The following LRRC69 variants were observed in gnomAD, a reference collection of about 807,000 sequenced individuals.
The protein encoded by LRRC69 is leucine-rich repeat-containing protein 69.
A neutral mutation model predicts 37.8 loss-of-function variants in LRRC69; 42 were observed. That is an observed-to-expected ratio of 1.11 (90% CI 0.87 to 1.44). The LOEUF is 1.44. Among genes scored for constraint, LRRC69 ranks in the 40% most tolerant of loss-of-function variants. The probability of loss-of-function intolerance (pLI) is 0.00; values close to 1 mark genes in which losing one functional copy is unlikely to be tolerated. For synonymous variants in LRRC69, 141 were observed against 143.1 expected (o/e 0.99, Z 0.11); for missense variants, 357 against 401.9 (o/e 0.89, Z 0.96).
chr8:91,162,586 G>A (rs1427790806), intron 5 of LRRC69, among the ~76,000 whole-genome samples: 1 of 151,048 alleles, frequency 6.6e-6, no homozygotes. Context: ...GCTCACTTTT[G>A]TTTTCCATTT....
intron 5 of LRRC69, among the ~76,000 whole-genome samples, chr8:91,166,492 G>T (rs1271161043): frequency 1.0e-5 from 1 of 95,252 alleles, no homozygotes. Flanking sequence ...AAAATAAACT[G>T]AAAAAAAAAA....
chr8:91,182,811 G>C (rs1292654225), intron 5 of LRRC69, among the ~76,000 whole-genome samples: 1 of 152,184 alleles, frequency 6.6e-6, no homozygotes, highest in African/African-American at 2.4e-5. Flanking sequence ...GTAGCGTGTA[G>C]AGAAACAGTT....
chr8:91,160,299 TG>T (rs1808915890), intron 5 of LRRC69, among the ~76,000 whole-genome samples: 2 of 150,648 alleles, frequency 1.3e-5, no homozygotes, highest in African/African-American at 4.9e-5. Flanking sequence ...TTTAGTTTTT[TG>T]TTTTTTTTTT....
intron 1 of LRRC69, among the ~76,000 whole-genome samples, chr8:91,112,855 TAATA>T (rs1445137126): frequency 6.6e-6 from 1 of 151,982 alleles, no homozygotes; most frequent in Non-Finnish European, 1.5e-5. Flanking sequence ...CCGTTAGAAC[TAATA>T]AATGAATTCA....
chr8:91,106,367 C>T (rs1263957886), intron 1 of LRRC69, among the ~76,000 whole-genome samples: 1 of 151,986 alleles, frequency 6.6e-6, no homozygotes, highest in Non-Finnish European at 1.5e-5. Context: ...ATATTTCCCA[C>T]AGAATGCAAA....
intron 7 of LRRC69, among the ~76,000 whole-genome samples, chr8:91,209,214 G>A (rs1281835660): frequency 6.6e-6 from 1 of 152,116 alleles, no homozygotes; most frequent in East Asian, 1.9e-4. Flanking sequence ...ATCACCTGAG[G>A]TCAGGAATTT....
chr8:91,105,497 A>T (rs1267360113), intron 1 of LRRC69, among the ~76,000 whole-genome samples: 1 of 151,818 alleles, frequency 6.6e-6, no homozygotes, highest in Non-Finnish European at 1.5e-5. Flanking sequence ...TGGCCTGGGC[A>T]ACATAGTGAG....
chr8:91,114,155 A>T (rs1441721071), intron 1 of LRRC69, among the ~76,000 whole-genome samples: 1 of 151,930 alleles, frequency 6.6e-6, no homozygotes, highest in Non-Finnish European at 1.5e-5. Flanking sequence ...CAGAAAGACA[A>T]AAAGTAAGTA....
At chr8:91,202,999 A>G (rs1358690846) in intron 7 of LRRC69, among the ~76,000 whole-genome samples, 1 of 152,164 alleles carries the variant, frequency 6.6e-6, no homozygotes, top group Admixed American at 6.5e-5. Context: ...GGCCTACAGA[A>G]CTGTGTAAAG....
intron 5 of LRRC69, among the ~76,000 whole-genome samples, chr8:91,146,185 C>T (rs1366820590): frequency 6.6e-6 from 1 of 151,672 alleles, no homozygotes; most frequent in Non-Finnish European, 1.5e-5. Context: ...CTATCGCTAG[C>T]TACCCTTGGA....
At chr8:91,134,380 G>A (rs1813867237) in intron 4 of LRRC69, among the ~76,000 whole-genome samples, 1 of 151,684 alleles carries the variant, frequency 6.6e-6, no homozygotes, top group Non-Finnish European at 1.5e-5. Context: ...CTGGAGGGGA[G>A]GGGTACTGGT....
At chr8:91,206,097 G>A (rs946493211) in intron 7 of LRRC69, among the ~76,000 whole-genome samples, 4 of 152,220 alleles carry the variant, frequency 2.6e-5, no homozygotes, top group Non-Finnish European at 2.9e-5. Flanking sequence ...TTTATAGAGA[G>A]AGAGCTTCGG....
Position 91,158,429 on chromosome 8 carries a change from A to G in LRRC69, c.651+22690A>G, listed in dbSNP as rs147312721. The G allele has an allele frequency of 1.7e-3, 2,335 of 1,364,480 alleles. 45 individuals are homozygous for G. In the East Asian group the frequency reaches 0.037, roughly 22 times the overall value. The allele number at this position is 1,364,480 out of a possible 1,614,324, so 84.5% of individuals were successfully genotyped here. On this transcript the variant is annotated intron_variant, in intron 5 of 7. Coordinates refer to ENST00000448384, the Ensembl canonical transcript of LRRC69. ...AGTAAACAAAGATGATGAGGAATTC[A>G]TAGAAAGCAATAAAATGCATGCTGT... is the stretch of plus-strand genomic sequence containing the variant.
At chr8:91,147,269 C>CAT (rs34482745) in intron 5 of LRRC69, among the ~76,000 whole-genome samples, 97,872 of 145,800 alleles carry the variant, frequency 0.67, 33,188 homozygotes, top group Middle Eastern at 0.73. Context: ...TATATATAAA[C>CAT]ATATATTATA....
intron 5 of LRRC69, among the ~76,000 whole-genome samples, chr8:91,159,700 G>T (rs1422386376): frequency 6.6e-6 from 1 of 151,042 alleles, no homozygotes; most frequent in Non-Finnish European, 1.5e-5. Flanking sequence ...TAGAGCATGA[G>T]TTTTCTTAAA....
intron 1 of LRRC69, 25 bp from the exon 2 acceptor site, chr8:91,124,468 C>T (rs1813684472): frequency 3.3e-6 from 5 of 1,495,510 alleles, no homozygotes; most frequent in Non-Finnish European, 3.6e-6. Context: ...ATATATGAGT[C>T]CATTAAACCT....
intron 2 of LRRC69, 28 bp downstream of exon 2, chr8:91,124,647 A>G: frequency 6.7e-7 from 1 of 1,489,052 alleles, no homozygotes; most frequent in Non-Finnish European, 8.9e-7. Flanking sequence ...GAACAACATT[A>G]TAGCATCAAA....
At chr8:91,158,654 T>G in intron 5 of LRRC69, 1 of 1,350,552 alleles carries the variant, frequency 7.4e-7, no homozygotes, top group Non-Finnish European at 1.1e-6. Flanking sequence ...CAAGAACACC[T>G]GGAATTTGGT....
chr8:91,141,550 A>G (rs1271869064), intron 5 of LRRC69, among the ~76,000 whole-genome samples: 1 of 152,080 alleles, frequency 6.6e-6, no homozygotes, highest in East Asian at 1.9e-4. Flanking sequence ...CCAATTCCAT[A>G]AACAATTACT....
Sources: gnomAD v4.1 joint callset for allele counts (sites outside exome capture counted in the v4.1 genomes callset) on GRCh38, gnomAD v4.1.1 for gene constraint, MANE v1.5 for transcripts, NCBI Gene and HGNC (gene_info 2026-07-23, HGNC 2026-07-21) for gene names.